Variants in MYORG observed in about 807,000 individuals in gnomAD.
The protein encoded by MYORG is myogenesis regulating glycosidase, also known as alpha-galactosidase MYORG.
Under a neutral mutation model 49.8 loss-of-function variants are expected in MYORG, and 45 were observed. The ratio of observed to expected loss-of-function variants is 0.90; its 90% CI spans 0.71 to 1.16. MYORG has a LOEUF of 1.16. Among genes scored for constraint, MYORG ranks in the 50% most tolerant of loss-of-function variants. The probability of loss-of-function intolerance (pLI) is 0.00; values close to 1 mark genes in which losing one functional copy is unlikely to be tolerated. For missense variants in MYORG, 1,110 were observed against 1,026.5 expected, an observed-to-expected ratio of 1.08 and a Z score of -1.11; for synonymous variants, 552 against 462.9, an observed-to-expected ratio of 1.19 and a Z score of -2.47.
chr9:34,373,507 C>T (rs1233059254), intron 1 of MYORG, among the ~76,000 whole-genome samples: 2 of 152,074 alleles, frequency 1.3e-5, no homozygotes, highest in African/African-American at 4.8e-5. Flanking sequence ...GACTGGAGTG[C>T]AGTGGCATGA....
At chr9:34,373,218 G>A (rs114863335) in intron 1 of MYORG, among the ~76,000 whole-genome samples, 91 of 152,302 alleles carry the variant, frequency 6.0e-4, no homozygotes, top group African/African-American at 2.1e-3. Context: ...TTAGGACTCT[G>A]TGACTGGGGA....
chr9:34,367,240 A>G lies in MYORG; in HGVS notation c.*3559T>C, dbSNP rs1206402995. The G allele has an allele frequency of 6.6e-6, 1 of 152,126 alleles. No individual in the cohort carries two copies. The highest frequency in any genetic ancestry group is 6.6e-5 in the Admixed American group (1 of 15,266). 9.4% of individuals were successfully genotyped at this position (152,126 alleles called of 1,614,324 possible). A position where few individuals can be genotyped will look rare whatever the true frequency, so the allele number is the denominator to read the frequency against. Reference sequence around the variant, plus strand: ...TATCTCCCACCAGGTCCCTCCCACAATTATGGGAGCTACAATTTAAGGTGA... The same window carrying G: ...TATCTCCCACCAGGTCCCTCCCACAGTTATGGGAGCTACAATTTAAGGTGA... On this transcript the variant is annotated 3_prime_UTR_variant, in exon 2 of 2. Coordinates refer to ENST00000297625, the MANE Select transcript of MYORG (RefSeq NM_020702.5).
chr9:34,376,893 C>T lies in MYORG; in HGVS notation c.-164G>A, dbSNP rs1820729293. The T allele has an allele frequency of 6.6e-6, 1 of 152,288 alleles. No individual in the cohort carries two copies. Among genetic ancestry groups the T allele is most frequent in the Non-Finnish European group, 1.5e-5 (1 of 68,080 alleles). 9.4% of individuals were successfully genotyped at this position (152,288 alleles called of 1,614,324 possible). ...AGCTGCCGCCGCGCCGCGCGGGGCT[C>T]TGTCTGGCAGGGCACAGCCCCTCCT... On this transcript the variant is annotated 5_prime_UTR_variant, in exon 1 of 2. Transcript: ENST00000297625. The surrounding 1 kb of genome is among the most constrained non-coding windows in gnomAD (Gnocchi z 4.4).
rs2297776 is a variant in MYORG, at chr9:34,372,933, T to A, written c.11A>T (p.Asn4Ile). The A allele has an allele frequency of 0.2, 325,461 of 1,613,004 alleles. 34,696 individuals carry two copies. The highest frequency in any genetic ancestry group is 0.25 in the South Asian group (23,134 of 91,022). MLQNPQEKSQAYPR... is the reference protein window; with the variant it reads MLQIPQEKSQAYPR... ...GTAGGCCTGGCTCTTCTCCTGAGGG[T>A]TCTGGAGCATTAGTGGGCTGCTAAG... The change falls in exon 2 of 2, where the codon AAC (asparagine) becomes ATC (isoleucine). Residue 4 changes from asparagine to isoleucine, a missense_variant. Physicochemically the swap from Asn to Ile is moderately radical, Grantham distance 149. Transcript: ENST00000297625.
chr9:34,372,046 A>G lies in MYORG; in HGVS notation c.898T>C (p.Tyr300His). 6.2e-7 allele frequency: 1 copy of G among 1,613,906 alleles called. No individual in the cohort carries two copies. Among genetic ancestry groups the G allele is most frequent in the Non-Finnish European group, 8.5e-7 (1 of 1,179,856 alleles). ...TSIHKYMVRR[Y>H]FNKPSRVPAP... ...GGCACCCTTGACGGCTTGTTGAAGT[A>G]GCGACGCACCATGTACTTGTGGATG... Residue 300 changes from tyrosine (Y) to histidine (H), a missense_variant, in exon 2 of 2, where the codon TAC becomes CAC. Coordinates refer to ENST00000297625, the MANE Select transcript of MYORG (RefSeq NM_020702.5).
rs1307983798 is a variant in MYORG, at chr9:34,372,970, C to T, written c.-27G>A. ...AGTGGGCTGCTAAGAAAGGAGCGGG[C>T]CGTGGGGCCATCTGACTGAGTTCAT... On this transcript the variant is annotated 5_prime_UTR_variant, in exon 2 of 2. Transcript: ENST00000297625. 1.9e-6 allele frequency: 3 copies of T among 1,602,842 alleles called. No individual in the cohort carries two copies. The highest frequency in any genetic ancestry group is 2.6e-6 in the Non-Finnish European group (3 of 1,172,708).
Position 34,371,379 on chromosome 9 carries a change from T to C in MYORG, c.1565A>G (p.Asp522Gly), listed in dbSNP as rs750559797. The change falls in exon 2 of 2, where the codon GAC (aspartate) becomes GGC (glycine). Residue 522 changes from aspartate to glycine, a missense_variant. Coordinates refer to ENST00000297625, the MANE Select transcript of MYORG (RefSeq NM_020702.5). ...CCCCAGGTCGTAGCCCCACACAGAG[T>C]CGCGATCCACCAGGCGGAAGAAGCA... ...ISCFFRLVDR[D>G]SVWGYDLGLR... 8 of 1,612,644 alleles carry C rather than the reference T, an allele frequency of 5.0e-6. No homozygotes were observed. The African/African-American group carries it at 5.4e-5, about 11-fold the overall frequency.
chr9:34,371,205 A>G lies in MYORG; in HGVS notation c.1739T>C (p.Val580Ala), dbSNP rs755469993. Residue 580 changes from valine (V) to alanine (A), a missense_variant, in exon 2 of 2, where the codon GTG (valine) becomes GCG (alanine). Coordinates refer to ENST00000297625, the MANE Select transcript of MYORG (RefSeq NM_020702.5). The stretch of plus-strand genomic sequence containing the variant: ...CTGCATGGCCGGCATAAAGGCGGCC[A>G]CTTCCAGCCAGCGAATGTAGAGCTC... ...ERELYIRWLE[V>A]AAFMPAMQFS... The G allele has an allele frequency of 1.2e-6, 2 of 1,610,308 alleles. No homozygotes were observed. The highest frequency in any genetic ancestry group is 3.3e-5 in the Admixed American group (2 of 59,822).
Position 34,368,060 on chromosome 9 carries a change from T to C in MYORG, c.*2739A>G, listed in dbSNP as rs1820526737. 1 of 152,266 alleles carries C rather than the reference T, an allele frequency of 6.6e-6. No homozygotes were observed. Among genetic ancestry groups the C allele is most frequent in the South Asian group, 2.1e-4 (1 of 4,830 alleles). The allele number at this position is 152,266 out of a possible 1,614,324, so 9.4% of individuals were successfully genotyped here. A position where few individuals can be genotyped will look rare whatever the true frequency, so the allele number is the denominator to read the frequency against. On this transcript the variant is annotated 3_prime_UTR_variant, in exon 2 of 2. Transcript: ENST00000297625. ...TGCAGGCTCAACACTACGTGGAAGA[T>C]GCCAAGACTTGGGGCTTGCACCCTC...
Position 34,368,584 on chromosome 9 carries a change from T to C in MYORG, c.*2215A>G, listed in dbSNP as rs1820535262. On this transcript the variant is annotated 3_prime_UTR_variant, in exon 2 of 2. Coordinates refer to ENST00000297625, the MANE Select transcript of MYORG (RefSeq NM_020702.5). Reference sequence around the variant, plus strand: ...AGGGGCAAAATGCAGCCAGTCTCTTTGCTAAAATATAGCAAGAGTCACCTT... The same window carrying C: ...AGGGGCAAAATGCAGCCAGTCTCTTCGCTAAAATATAGCAAGAGTCACCTT... 1.3e-5 allele frequency: 2 copies of C among 152,266 alleles called. No individual in the cohort carries two copies. Among genetic ancestry groups the C allele is most frequent in the Non-Finnish European group, 2.9e-5 (2 of 68,060 alleles). The allele number at this position is 152,266 out of a possible 1,614,324, so 9.4% of individuals were successfully genotyped here. A position where few individuals can be genotyped will look rare whatever the true frequency, so the allele number is the denominator to read the frequency against.
chr9:34,370,896 C>T lies in MYORG; in HGVS notation c.2048G>A (p.Arg683His), dbSNP rs759830292. ...GTCGAAAAGCTCACCCTTGTAGCTG[C>T]GCCACTTGCCGGCGGGCAAATAGAC... is the stretch of plus-strand genomic sequence containing the variant. ...RDVYLPAGKW[R>H]SYKGELFDKT... The change falls in exon 2 of 2, where the codon CGC becomes CAC. Residue 683 changes from arginine (R) to histidine (H), a missense_variant. Coordinates refer to ENST00000297625, the MANE Select transcript of MYORG (RefSeq NM_020702.5). 14 of 1,613,344 alleles carry T rather than the reference C, an allele frequency of 8.7e-6. No individual in the cohort carries two copies. The South Asian group carries it at 1.1e-4, about 13-fold the overall frequency.
At position 34,368,470 on chromosome 9, in the gene MYORG, CTCA is replaced by C. The variant is rs2131874802; in HGVS notation, c.*2326_*2328del. The C allele has an allele frequency of 6.6e-6, 1 of 152,474 alleles. No homozygotes were observed. The highest frequency in any genetic ancestry group is 2.1e-4 in the South Asian group (1 of 4,834). 9.4% of individuals were successfully genotyped at this position (152,474 alleles called of 1,614,324 possible). A position where few individuals can be genotyped will look rare whatever the true frequency, so the allele number is the denominator to read the frequency against. The stretch of plus-strand genomic sequence containing the variant: ...ATGCTTTTAACAGCACCCAAGTCAC[CTCA>C]TGAATGCTTTGCTGCTTAGAAATTT... On this transcript the variant is annotated 3_prime_UTR_variant, in exon 2 of 2. Transcript: ENST00000297625.
At position 34,369,076 on chromosome 9, in the gene MYORG, T is replaced by C. The variant is rs1471617066; in HGVS notation, c.*1723A>G. On this transcript the variant is annotated 3_prime_UTR_variant, in exon 2 of 2. Coordinates refer to ENST00000297625, the MANE Select transcript of MYORG (RefSeq NM_020702.5). ...AATCATCAGCTCTCATGAGATCTAT[T>C]CACTATCACCAGAACAGTATGGCGG... 6.6e-6 allele frequency: 1 copy of C among 152,192 alleles called. No individual in the cohort carries two copies. The allele number at this position is 152,192 out of a possible 1,614,324, so 9.4% of individuals were successfully genotyped here. A position where few individuals can be genotyped will look rare whatever the true frequency, so the allele number is the denominator to read the frequency against.
rs1820589816 is a variant in MYORG, at chr9:34,371,265, G to A, written c.1679C>T (p.Pro560Leu). 1.2e-6 allele frequency: 2 copies of A among 1,608,858 alleles called. No homozygotes were observed. Among genetic ancestry groups the A allele is most frequent in the Non-Finnish European group, 8.5e-7 (1 of 1,178,100 alleles). Reference protein sequence around the residue: ...LPDMVGGNAVPQRTAGGDVPE... With the variant: ...LPDMVGGNAVLQRTAGGDVPE... Reference sequence around the variant, plus strand: ...CACATCGCCGCCGGCTGTCCGCTGGGGCACGGCGTTGCCGCCCACCATATC... The same window carrying A: ...CACATCGCCGCCGGCTGTCCGCTGGAGCACGGCGTTGCCGCCCACCATATC... The change falls in exon 2 of 2, where the codon CCC becomes CTC. Residue 560 changes from proline (P) to leucine (L), a missense_variant. Transcript: ENST00000297625.
intron 1 of MYORG, among the ~76,000 whole-genome samples, chr9:34,374,093 GCAC>G (rs1471460987): frequency 6.6e-6 from 1 of 152,078 alleles, no homozygotes; most frequent in African/African-American, 2.4e-5. Flanking sequence ...TTTGCTCCTG[GCAC>G]CACATCTGTG....
At chr9:34,373,446 C>T (rs1820674306) in intron 1 of MYORG, among the ~76,000 whole-genome samples, 1 of 152,126 alleles carries the variant, frequency 6.6e-6, no homozygotes, top group Non-Finnish European at 1.5e-5. Context: ...TATTGTCCAG[C>T]CAGCTCCTTG....
chr9:34,374,901 C>CA (rs10651045), intron 1 of MYORG, among the ~76,000 whole-genome samples: 22,010 of 121,462 alleles, frequency 0.18, 2,284 homozygotes, highest in Middle Eastern at 0.24. Flanking sequence ...GACCCTATCT[C>CA]AAAAAAAAAA....
In MYORG at chr9:34,370,809, C is replaced by A; in HGVS notation, c.2135G>T (p.Trp712Leu). The A allele has an allele frequency of 6.3e-7, 1 of 1,578,060 alleles. No individual in the cohort carries two copies. The highest frequency in any genetic ancestry group is 1.3e-5 in the African/African-American group (1 of 74,464). Residue 712 changes from tryptophan (W) to leucine (L), a missense_variant, in exon 2 of 2, where the codon TGG becomes TTG. Physicochemically the swap from Trp to Leu is moderately conservative, Grantham distance 61. Transcript: ENST00000297625. Reference sequence around the variant, plus strand: ...GGGCCCTGGGCTGGGTCAGGACGCCCAGGTAAAGTAGGCGATCTCATCCAG... The same window carrying A: ...GGGCCCTGGGCTGGGTCAGGACGCCAAGGTAAAGTAGGCGATCTCATCCAG... ...VDLDEIAYFT[W>L]AS is the part of the protein sequence containing the mutation.
Position 34,371,467 on chromosome 9 carries a change from T to A in MYORG, c.1477A>T (p.Met493Leu), listed in dbSNP as rs756286470. ...PSVWSRRYTE[M>L]ALPFFSLAEV... ...GCCAGCGAGAAGAAGGGCAGCGCCA[T>A]CTCAGTGTAGCGCCGGCTCCAGACG... The change falls in exon 2 of 2, where the codon ATG becomes TTG. Residue 493 changes from methionine to leucine, a missense_variant. Physicochemically the swap from Met to Leu is conservative, Grantham distance 15. Coordinates refer to ENST00000297625, the MANE Select transcript of MYORG (RefSeq NM_020702.5). 3 of 1,612,560 alleles carry A rather than the reference T, an allele frequency of 1.9e-6. No homozygotes were observed. The highest frequency in any genetic ancestry group is 2.5e-6 in the Non-Finnish European group (3 of 1,179,782).
Sources: gnomAD v4.1 joint callset for allele counts (sites outside exome capture counted in the v4.1 genomes callset) on GRCh38, gnomAD v4.1.1 for gene constraint, Gnocchi (gnomAD v3.1) non-coding constraint, MANE v1.5 for transcripts, NCBI Gene and HGNC (gene_info 2026-07-23, HGNC 2026-07-21) for gene names.